The following PTPRZ1 variants were observed in gnomAD, a reference collection of about 807,000 sequenced individuals.
The protein encoded by PTPRZ1 is protein tyrosine phosphatase receptor type Z1, also known as receptor-type tyrosine-protein phosphatase zeta.
A neutral mutation model predicts 214.1 loss-of-function variants in PTPRZ1; 82 were observed. The ratio of observed to expected loss-of-function variants is 0.38; its 90% CI spans 0.32 to 0.46. PTPRZ1 has a LOEUF of 0.46. Ranked by LOEUF, PTPRZ1 falls within the 20% of genes least tolerant of loss-of-function variation. The probability of loss-of-function intolerance (pLI) is 1.00; values close to 1 mark genes in which losing one functional copy is unlikely to be tolerated. For missense variants in PTPRZ1, 2,603 were observed against 2,748.7 expected (o/e 0.95, Z 1.19); for synonymous variants, 945 against 987.9 (o/e 0.96, Z 0.81).
chr7:121,899,543 A>G (rs184739414), intron 1 of PTPRZ1, among the ~76,000 whole-genome samples: 52 of 152,298 alleles, frequency 3.4e-4, no homozygotes, highest in Admixed American at 1.2e-3. Context: ...TAGGGACATT[A>G]TCTAGTTTCT....
intron 29 of PTPRZ1, among the ~76,000 whole-genome samples, chr7:122,060,740 C>T (rs964547554): frequency 2.0e-5 from 3 of 152,198 alleles, no homozygotes; most frequent in African/African-American, 7.2e-5. Context: ...AAACTTGTTT[C>T]TGAGTGAGTT....
chr7:121,928,252 GC>G, intron 2 of PTPRZ1, 31 bp downstream of exon 2: 1 of 1,501,284 alleles, frequency 6.7e-7, no homozygotes, highest in Non-Finnish European at 9.1e-7. Flanking sequence ...ATGAGATTTA[GC>G]AGAAACTTTT....
chr7:122,002,642 C>A (rs1798365279), intron 10 of PTPRZ1, among the ~76,000 whole-genome samples: 1 of 152,156 alleles, frequency 6.6e-6, no homozygotes, highest in African/African-American at 2.4e-5. Context: ...GTTATACATA[C>A]CCTTCCCCAA....
chr7:121,971,605 GT>G (rs1797251703), intron 3 of PTPRZ1, among the ~76,000 whole-genome samples: 1 of 152,108 alleles, frequency 6.6e-6, no homozygotes, highest in African/African-American at 2.4e-5. Context: ...GTAAAATAAG[GT>G]TTATACAGTA....
chr7:121,944,962 T>C (rs547471225), intron 2 of PTPRZ1, among the ~76,000 whole-genome samples: 1 of 152,228 alleles, frequency 6.6e-6, no homozygotes, highest in African/African-American at 2.4e-5. Flanking sequence ...TTTTTGTCAT[T>C]GGGCTCCATT....
chr7:122,053,778 T>A, intron 25 of PTPRZ1, 132 bp from the exon 26 acceptor site: 1 of 1,093,386 alleles, frequency 9.1e-7, no homozygotes, highest in Non-Finnish European at 1.3e-6. Flanking sequence ...ATAATAATCA[T>A]ATTACTACAT....
At chr7:121,874,697 A>AC (rs1273768504) in intron 1 of PTPRZ1, among the ~76,000 whole-genome samples, 1 of 152,106 alleles carries the variant, frequency 6.6e-6, no homozygotes. Context: ...TTGCCCATAG[A>AC]CCCCCACACA....
intron 10 of PTPRZ1, among the ~76,000 whole-genome samples, chr7:121,999,711 G>C (rs1798263589): frequency 6.6e-6 from 1 of 151,942 alleles, no homozygotes; most frequent in African/African-American, 2.4e-5. Context: ...TAAACTTTCT[G>C]AATTTTTTTG....
At chr7:121,919,510 T>C (rs1795527685) in intron 1 of PTPRZ1, among the ~76,000 whole-genome samples, 1 of 152,218 alleles carries the variant, frequency 6.6e-6, no homozygotes, top group South Asian at 2.1e-4. Flanking sequence ...AAGCTATAAA[T>C]GTTTCTTCAT....
chr7:121,967,022 C>T (rs966074714), intron 2 of PTPRZ1: 13 of 152,090 alleles, frequency 8.5e-5, no homozygotes, highest in African/African-American at 1.2e-4. Flanking sequence ...GACTTGGACT[C>T]TCAATATTTC....
intron 13 of PTPRZ1, among the ~76,000 whole-genome samples, chr7:122,023,691 T>C: frequency 7.6e-6 from 1 of 131,874 alleles, no homozygotes; most frequent in African/African-American, 2.8e-5. Flanking sequence ...TTTTATATAT[T>C]ATATGTATAA....
chr7:122,026,281 TA>T (rs1363496889), intron 13 of PTPRZ1, among the ~76,000 whole-genome samples: 1 of 152,234 alleles, frequency 6.6e-6, no homozygotes, highest in Non-Finnish European at 1.5e-5. Context: ...TCAGCTGTGA[TA>T]CTGCACTAGC....
At chr7:122,039,306 A>C in intron 19 of PTPRZ1, 148 bp from the exon 20 acceptor site, 1 of 890,472 alleles carries the variant, frequency 1.1e-6, no homozygotes, top group Non-Finnish European at 1.6e-6. Context: ...TCCACAACTA[A>C]TTTCAGTCAC....
rs1342590426 is a variant in PTPRZ1 at position 121,910,213 on chromosome 7, G to A, written c.59-17943G>A. On this transcript the variant is annotated intron_variant, in intron 1 of 29. Transcript: ENST00000393386. ...CCCTCAGGTGTCTGCAGACTTCTTCGCTGATCTCTTTCAAGGCTTTGCTTG... is the reference window on the plus strand; with the variant it reads ...CCCTCAGGTGTCTGCAGACTTCTTCACTGATCTCTTTCAAGGCTTTGCTTG... Among the ~76,000 whole-genome samples the A allele has an allele frequency of 5.9e-5, 9 of 152,154 alleles. 1 individual carries two copies. In the South Asian group the frequency reaches 1.2e-3, roughly 21 times the overall value.
chr7:121,915,533 G>C (rs1393577680), intron 1 of PTPRZ1, among the ~76,000 whole-genome samples: 2 of 152,116 alleles, frequency 1.3e-5, no homozygotes, highest in African/African-American at 4.8e-5. Context: ...TTGTATTTCA[G>C]CAGTCACTAT....
intron 23 of PTPRZ1, among the ~76,000 whole-genome samples, chr7:122,050,379 G>A (rs886371402): frequency 1.0e-5 from 1 of 96,498 alleles, no homozygotes. Context: ...GGAGATTGAA[G>A]CTGCATGCAC....
chr7:121,960,801 T>A (rs992006606), intron 2 of PTPRZ1, among the ~76,000 whole-genome samples: 1 of 152,236 alleles, frequency 6.6e-6, no homozygotes, highest in Non-Finnish European at 1.5e-5. Context: ...TAGTTCATAT[T>A]CTTGTGTTAA....
chr7:121,974,601 C>T (rs1025859268), intron 4 of PTPRZ1, among the ~76,000 whole-genome samples: 6 of 152,114 alleles, frequency 3.9e-5, no homozygotes, highest in African/African-American at 7.2e-5. Flanking sequence ...AATTCTCCTG[C>T]CTCAGCCTCT....
intron 2 of PTPRZ1, among the ~76,000 whole-genome samples, chr7:121,965,434 G>A (rs1192389849): frequency 2.0e-5 from 3 of 152,034 alleles, no homozygotes; most frequent in Non-Finnish European, 4.4e-5. Context: ...GCCTGGTTAT[G>A]CTCTCAGCTC....
Sources: allele counts gnomAD v4.1 joint callset (sites outside exome capture counted in the v4.1 genomes callset), GRCh38; gene constraint gnomAD v4.1.1; transcripts MANE v1.5; gene names NCBI Gene and HGNC (gene_info 2026-07-23, HGNC 2026-07-21).